The following NFAM1 variants were observed in gnomAD, a reference collection of about 807,000 sequenced individuals.
NFAM1 encodes the protein NFAT activating protein with ITAM motif 1, also known as NFAT activation molecule 1.
In NFAM1, 17 loss-of-function variants were observed where a neutral mutation model predicts 29.0. The observed-to-expected ratio is 0.59, with a 90% CI of 0.40 to 0.88. The LOEUF is 0.88. NFAM1 is among the 40% of genes least tolerant of loss of function. The pLI is 0.00. For synonymous variants in NFAM1, 175 were observed against 147.2 expected, an observed-to-expected ratio of 1.19 and a Z score of -1.36; for missense variants, 324 against 344.6, an observed-to-expected ratio of 0.94 and a Z score of 0.47.
intron 4 of NFAM1, among the ~76,000 whole-genome samples, chr22:42,394,066 G>A (rs933629488): frequency 2.0e-5 from 3 of 151,700 alleles, no homozygotes; most frequent in African/African-American, 7.3e-5. Flanking sequence ...ACGGAGTTTC[G>A]CTCTTGCTGC....
upstream of NFAM1, among the ~76,000 whole-genome samples, chr22:42,434,800 G>A (rs576733380): frequency 3.3e-5 from 5 of 152,332 alleles, no homozygotes; most frequent in East Asian, 7.7e-4. Context: ...CACAGCCTTC[G>A]AGCTAGGCCT....
chr22:42,427,729 G>A (rs190636672), intron 1 of NFAM1, among the ~76,000 whole-genome samples: 1 of 152,106 alleles, frequency 6.6e-6, no homozygotes, highest in East Asian at 1.9e-4. Flanking sequence ...TGAAAGAAGC[G>A]GGTCACCGGA....
chr22:42,433,088 G>A (rs1158374522), upstream of NFAM1, among the ~76,000 whole-genome samples: 3 of 152,212 alleles, frequency 2.0e-5, no homozygotes, highest in African/African-American at 2.4e-5. Flanking sequence ...CCCATTGGCT[G>A]CAGGTCACAG....
intron 2 of NFAM1, among the ~76,000 whole-genome samples, chr22:42,410,102 C>T (rs1418955353): frequency 2.0e-5 from 3 of 152,174 alleles, no homozygotes; most frequent in Non-Finnish European, 2.9e-5. Flanking sequence ...AGCATGATTT[C>T]CCCAGCACTG....
chr22:42,391,500 C>T lies in NFAM1; in HGVS notation c.664-4422G>A, dbSNP rs545780777. On this transcript the variant is annotated intron_variant, in intron 4 of 5. Coordinates refer to ENST00000329021, the MANE Select transcript of NFAM1 (RefSeq NM_145912.8). ...AGTGAGAAGGGCTGGATTCTGGATA[C>T]GTTTTGAAGCAAGATTTGTTGATAG... Among the ~76,000 whole-genome samples, 163 of 152,172 alleles carry T rather than the reference C, an allele frequency of 1.1e-3. 1 individual carries two copies. In the Middle Eastern group the frequency reaches 0.014, roughly 13 times the overall value.
At chr22:42,434,398 C>T (rs1930891425), upstream of NFAM1, among the ~76,000 whole-genome samples, 1 of 152,134 alleles carries the variant, frequency 6.6e-6, no homozygotes, top group South Asian at 2.1e-4. Context: ...GTGCATACTC[C>T]CCAGGCAGGC....
chr22:42,399,655 T>TGGGCC (rs945164562), intron 3 of NFAM1, among the ~76,000 whole-genome samples: 2 of 151,872 alleles, frequency 1.3e-5, no homozygotes, highest in African/African-American at 4.8e-5. Flanking sequence ...CAGTGGAGGC[T>TGGGCC]GGGCCGGGCC....
At chr22:42,394,491 A>T (rs544667664) in intron 4 of NFAM1, among the ~76,000 whole-genome samples, 1 of 152,330 alleles carries the variant, frequency 6.6e-6, no homozygotes, top group African/African-American at 2.4e-5. Context: ...ACCACATTAC[A>T]TTAAGCAAAT....
At chr22:42,387,227 T>A in intron 4 of NFAM1, 149 bp from the exon 5 acceptor site, 1 of 497,986 alleles carries the variant, frequency 2.0e-6, no homozygotes, top group East Asian at 3.5e-5. Flanking sequence ...TGCCACCCCC[T>A]TTCCCAGAGT....
At chr22:42,400,510 C>T (rs144211850) in intron 3 of NFAM1, among the ~76,000 whole-genome samples, 4,538 of 152,176 alleles carry the variant, frequency 0.03, 166 homozygotes, top group African/African-American at 0.085. Flanking sequence ...CCCAGCTACT[C>T]GGGAGGCTGA....
chr22:42,424,849 TCTTC>T (rs1263562596), intron 1 of NFAM1, among the ~76,000 whole-genome samples: 3 of 152,036 alleles, frequency 2.0e-5, no homozygotes, highest in East Asian at 3.8e-4. Flanking sequence ...GACATGATCA[TCTTC>T]CTTCCTTCCT....
In NFAM1 at chr22:42,419,072, T is replaced by C. The variant is rs1196874732; in HGVS notation, c.122-7336A>G. The stretch of plus-strand genomic sequence containing the variant: ...TGAGAGCTGGGCGGAGTTGCTATCC[T>C]CCCACACCTGGCGCGGGGACCACAT... On this transcript the variant is annotated intron_variant, in intron 1 of 5. Coordinates refer to ENST00000329021, the MANE Select transcript of NFAM1 (RefSeq NM_145912.8). This position sits in a 1 kb window ranked among gnomAD's most constrained non-coding sequence, Gnocchi z 4.5. 6.6e-6 allele frequency among the ~76,000 whole-genome samples: 1 copy of C among 152,194 alleles called. No homozygotes were observed. Among genetic ancestry groups the C allele is most frequent in the Non-Finnish European group, 1.5e-5 (1 of 68,036 alleles).
chr22:42,386,998 G>C lies in NFAM1; in HGVS notation c.744C>G (p.Pro248=), dbSNP rs371066268. 2 of 1,559,016 alleles carry C rather than the reference G, an allele frequency of 1.3e-6. No individual in the cohort carries two copies. Among genetic ancestry groups the C allele is most frequent in the South Asian group, 2.3e-5 (2 of 85,438 alleles). ...CCCAGCGCCTGTGTACCTGGGAGAG[G>C]GGGCTCTGCTTGGCGGTGGGTGAGC... ...DGSSPTAKQS[P]LSQERPHRFE... The change falls in exon 5 of 6, where the codon CCC becomes CCG. Residue 248 remains proline (P), a synonymous_variant. Coordinates refer to ENST00000329021, the MANE Select transcript of NFAM1 (RefSeq NM_145912.8).
intron 1 of NFAM1, among the ~76,000 whole-genome samples, chr22:42,417,985 T>C (rs552063423): frequency 6.6e-6 from 1 of 152,352 alleles, no homozygotes; most frequent in East Asian, 1.9e-4. Context: ...CGTGGATCCC[T>C]GCTTAGTCTG....
Position 42,391,155 on chromosome 22 carries a change from C to T in NFAM1, c.664-4077G>A, listed in dbSNP as rs562378389. On this transcript the variant is annotated intron_variant, in intron 4 of 5. Coordinates refer to ENST00000329021, the MANE Select transcript of NFAM1 (RefSeq NM_145912.8). ...CCTTCCCTTGGGATCAGACCTGCTC[C>T]GCGGAGGGGCTGCTCTCCCAGTCTT... Among the ~76,000 whole-genome samples, 11 of 152,300 alleles carry T rather than the reference C, an allele frequency of 7.2e-5. No homozygotes were observed. In the South Asian group the frequency reaches 1.0e-3, roughly 14 times the overall value.
chr22:42,435,425 G>A (rs557122302), upstream of NFAM1, among the ~76,000 whole-genome samples: 5 of 149,618 alleles, frequency 3.3e-5, no homozygotes, highest in East Asian at 2.0e-4. Flanking sequence ...TCGGCTCACC[G>A]TAAACTCTGC....
At chr22:42,385,259 A>T in intron 5 of NFAM1, 39 bp from the exon 6 acceptor site, 1 of 1,380,466 alleles carries the variant, frequency 7.2e-7, no homozygotes, top group South Asian at 1.2e-5. Context: ...GGAGAGAAAG[A>T]GAGAGAATGA....
At chr22:42,431,035 C>G (rs1391616434) in intron 1 of NFAM1, among the ~76,000 whole-genome samples, 1 of 152,178 alleles carries the variant, frequency 6.6e-6, no homozygotes, top group African/African-American at 2.4e-5. Context: ...CACAGGTCAG[C>G]CTTTGCCTCC....
chr22:42,429,209 C>T (rs1407588929), intron 1 of NFAM1, among the ~76,000 whole-genome samples: 2 of 152,206 alleles, frequency 1.3e-5, no homozygotes, highest in African/African-American at 4.8e-5. Context: ...GGCACTCAGT[C>T]CTCAGGATGT....
Sources: gnomAD v4.1 joint callset for allele counts (sites outside exome capture counted in the v4.1 genomes callset) on GRCh38, gnomAD v4.1.1 for gene constraint, Gnocchi (gnomAD v3.1) non-coding constraint, MANE v1.5 for transcripts, NCBI Gene and HGNC (gene_info 2026-07-23, HGNC 2026-07-21) for gene names.